Variants in MAPK8 observed in about 807,000 individuals in gnomAD.
MAPK8 encodes mitogen-activated protein kinase 8.
A neutral mutation model predicts 52.9 loss-of-function variants in MAPK8; 13 were observed. The ratio of observed to expected loss-of-function variants is 0.25; its 90% CI spans 0.16 to 0.39. The LOEUF is 0.39. Among genes scored for constraint, MAPK8 ranks in the 10% least tolerant of loss-of-function variants. The pLI, the probability that MAPK8 is intolerant of heterozygous loss-of-function variation, is 1.00. For synonymous variants in MAPK8, 191 were observed against 169.8 expected, an observed-to-expected ratio of 1.12 and a Z score of -0.97; for missense variants, 300 against 519.2, an observed-to-expected ratio of 0.58 and a Z score of 4.10.
intron 1 of MAPK8, among the ~76,000 whole-genome samples, chr10:48,375,357 C>A (rs1429992624): frequency 1.3e-5 from 2 of 152,108 alleles, no homozygotes; most frequent in African/African-American, 2.4e-5. Context: ...TCTCACCACT[C>A]CTATTCAACA....
chr10:48,415,953 C>T (rs139766179), intron 5 of MAPK8, among the ~76,000 whole-genome samples: 1 of 152,126 alleles, frequency 6.6e-6, no homozygotes, highest in Admixed American at 6.6e-5. Flanking sequence ...CTACTGGGGT[C>T]TGTTATCTAT....
rs190586425 is a variant in MAPK8 at position 48,322,474 on chromosome 10, A to G, written c.-50+15653A>G. 1.2e-3 allele frequency among the ~76,000 whole-genome samples: 190 copies of G among 152,294 alleles called. 1 individual carries two copies. Among genetic ancestry groups the G allele is most frequent in the African/African-American group, 4.4e-3 (182 of 41,574 alleles). ...CTTTGGCAGGAGGCAAGCTAGTGGCACTAGCAATCCCGAATCATCTTAATC... is the reference window on the plus strand; with the variant it reads ...CTTTGGCAGGAGGCAAGCTAGTGGCGCTAGCAATCCCGAATCATCTTAATC... On this transcript the variant is annotated intron_variant, in intron 1 of 11. Transcript: ENST00000374189.
intron 5 of MAPK8, among the ~76,000 whole-genome samples, chr10:48,419,645 T>C (rs61672375): frequency 5.6e-4 from 85 of 152,318 alleles, no homozygotes; most frequent in African/African-American, 2.0e-3. Context: ...TAATGACTCT[T>C]CTAGTCCTTT....
At chr10:48,328,026 G>GT (rs200244012) in intron 1 of MAPK8, among the ~76,000 whole-genome samples, 34 of 151,392 alleles carry the variant, frequency 2.2e-4, no homozygotes, top group Admixed American at 9.2e-4. Context: ...TTCTTCTTTT[G>GT]TTTTTTTTGA....
At chr10:48,359,672 G>A (rs1329912993) in intron 1 of MAPK8, among the ~76,000 whole-genome samples, 3 of 152,150 alleles carry the variant, frequency 2.0e-5, no homozygotes, top group Non-Finnish European at 4.4e-5. Flanking sequence ...ACTAAGGAAA[G>A]GGCTTCAATG....
rs142422465 is a variant in MAPK8 at position 48,332,418 on chromosome 10, C to G, written c.-50+25597C>G. ...TTGCATCATGCAGAGTCGGGGATCCCCAATGACTCCTTTTGTGTAATATAG... is the reference window on the plus strand; with the variant it reads ...TTGCATCATGCAGAGTCGGGGATCCGCAATGACTCCTTTTGTGTAATATAG... On this transcript the variant is annotated intron_variant, in intron 1 of 11. Coordinates refer to ENST00000374189, the MANE Select transcript of MAPK8 (RefSeq NM_001323329.2). 2.1e-3 allele frequency among the ~76,000 whole-genome samples: 319 copies of G among 152,304 alleles called. 4 individuals carry two copies. The East Asian group carries it at 0.035, about 16-fold the overall frequency.
chr10:48,410,446 C>T, intron 5 of MAPK8: 1 of 273,440 alleles, frequency 3.7e-6, no homozygotes. Flanking sequence ...GTGATGTTTT[C>T]AAGATTTCTC....
chr10:48,426,813 A>G (rs1296426261), intron 9 of MAPK8: 6 of 478,688 alleles, frequency 1.3e-5, no homozygotes, highest in Non-Finnish European at 2.2e-5. Context: ...ATCCAAAGGA[A>G]AACAGAATTC....
intron 1 of MAPK8, among the ~76,000 whole-genome samples, chr10:48,334,282 T>C (rs746388187): frequency 3.9e-5 from 6 of 152,216 alleles, no homozygotes; most frequent in Non-Finnish European, 5.9e-5. Context: ...TCAGTCTCTG[T>C]GTCTGAGCTT....
At position 48,435,057 on chromosome 10, in the gene MAPK8, G is replaced by GTT; in HGVS notation, c.*28_*29insTT. On this transcript the variant is annotated 3_prime_UTR_variant, in exon 12 of 12. Coordinates refer to ENST00000374189, the MANE Select transcript of MAPK8 (RefSeq NM_001323329.2). Reference sequence around the variant, plus strand: ...ACTTGGGCCATCGGGGGGTGGGAGGGATGGGGAGTCGGTTAGTCATTGATA... The same window carrying GTT: ...ACTTGGGCCATCGGGGGGTGGGAGGGTTATGGGGAGTCGGTTAGTCATTGATA... 3 of 421,632 alleles carry GTT rather than the reference G, an allele frequency of 7.1e-6. No individual in the cohort carries two copies. The highest frequency in any genetic ancestry group is 1.4e-5 in the Non-Finnish European group (3 of 213,340). The allele number at this position is 421,632 out of a possible 1,614,324, so 26.1% of individuals were successfully genotyped here. A position where few individuals can be genotyped will look rare whatever the true frequency, so the allele number is the denominator to read the frequency against.
chr10:48,435,037 G>A lies in MAPK8; in HGVS notation c.*8G>A. The A allele has an allele frequency of 6.6e-7, 1 of 1,517,134 alleles. No homozygotes were observed. Among genetic ancestry groups the A allele is most frequent in the South Asian group, 1.2e-5 (1 of 80,062 alleles). 94.0% of individuals were successfully genotyped at this position (1,517,134 alleles called of 1,614,324 possible). A position where few individuals can be genotyped will look rare whatever the true frequency, so the allele number is the denominator to read the frequency against. On this transcript the variant is annotated 3_prime_UTR_variant, in exon 12 of 12. Transcript: ENST00000374189. ...CTGGGCTGCTGTAGATGACTACTTG[G>A]GCCATCGGGGGGTGGGAGGGATGGG...
intron 5 of MAPK8, among the ~76,000 whole-genome samples, chr10:48,414,568 ATTTTTTTTT>A (rs3047769): frequency 2.5e-4 from 22 of 88,446 alleles, no homozygotes; most frequent in Non-Finnish European, 2.3e-4. Flanking sequence ...GTTGAAAAGA[ATTTTTTTTT>A]TTTTTTTTTT....
intron 1 of MAPK8, among the ~76,000 whole-genome samples, chr10:48,398,231 G>A (rs952637356): frequency 2.0e-5 from 3 of 152,148 alleles, no homozygotes; most frequent in African/African-American, 7.2e-5. Flanking sequence ...ATCTGACAAA[G>A]GATGTGTATC....
chr10:48,403,491 C>T (rs2042268698), intron 2 of MAPK8, among the ~76,000 whole-genome samples: 1 of 151,232 alleles, frequency 6.6e-6, no homozygotes, highest in African/African-American at 2.4e-5. Context: ...ATTATGGTAA[C>T]GTATTAAGAT....
chr10:48,392,502 C>T (rs1239927691), intron 1 of MAPK8, among the ~76,000 whole-genome samples: 2 of 151,910 alleles, frequency 1.3e-5, no homozygotes, highest in East Asian at 1.9e-4. Flanking sequence ...TTGGAAATTG[C>T]ACTTTTTCTC....
intron 10 of MAPK8, among the ~76,000 whole-genome samples, chr10:48,427,790 T>C (rs928623265): frequency 6.6e-6 from 1 of 152,240 alleles, no homozygotes; most frequent in African/African-American, 2.4e-5. Context: ...TTTGTTGATA[T>C]AATCAGATAT....
At chr10:48,423,104 TC>T (rs1230264071) in intron 6 of MAPK8, among the ~76,000 whole-genome samples, 1 of 152,206 alleles carries the variant, frequency 6.6e-6, no homozygotes, top group Non-Finnish European at 1.5e-5. Context: ...ACTTACTCTC[TC>T]CTTTTTGTGT....
At chr10:48,405,784 A>G (rs926455822) in intron 3 of MAPK8, among the ~76,000 whole-genome samples, 2 of 152,244 alleles carry the variant, frequency 1.3e-5, no homozygotes, top group African/African-American at 4.8e-5. Flanking sequence ...TTTATATAAT[A>G]TAATGAGCAC....
At chr10:48,365,219 A>C (rs1847920160) in intron 1 of MAPK8, among the ~76,000 whole-genome samples, 1 of 152,170 alleles carries the variant, frequency 6.6e-6, no homozygotes, top group African/African-American at 2.4e-5. Context: ...GTTCTTAAGG[A>C]AGCAGGAGTG....
Sources: gnomAD v4.1 joint callset for allele counts (sites outside exome capture counted in the v4.1 genomes callset) on GRCh38, gnomAD v4.1.1 for gene constraint, MANE v1.5 for transcripts, NCBI Gene and HGNC (gene_info 2026-07-23, HGNC 2026-07-21) for gene names.